DYNC2LI1: variants seen among roughly 807,000 people sequenced by gnomAD.
The protein encoded by DYNC2LI1 is cytoplasmic dynein 2 light intermediate chain 1.
A neutral mutation model predicts 51.9 loss-of-function variants in DYNC2LI1; 45 were observed. The ratio of observed to expected loss-of-function variants is 0.87; its 90% confidence interval spans 0.68 to 1.11. The LOEUF (loss-of-function observed/expected upper bound fraction) is 1.11. DYNC2LI1 is among the 50% of genes most tolerant of loss of function. The pLI is 0.00. For synonymous variants in DYNC2LI1, 130 were observed against 137.8 expected (o/e 0.94, Z 0.40); for missense variants, 490 against 417.4 (o/e 1.17, Z -1.51).
the DYNC2LI1 span, chr2:43,822,901 ACT>A: frequency 6.2e-7 from 1 of 1,613,786 alleles, no homozygotes; most frequent in Admixed American, 1.7e-5. Flanking sequence ...GGCCGTCCTG[ACT>A]CTCCTGGTCG....
At chr2:43,775,329 G>A (rs1040586251) in intron 1 of DYNC2LI1, among the ~76,000 whole-genome samples, 1 of 152,106 alleles carries the variant, frequency 6.6e-6, no homozygotes, top group Non-Finnish European at 1.5e-5. Context: ...GACCTATCAG[G>A]TCTTGCCCAT....
rs532326958 is a variant in DYNC2LI1, at chr2:43,796,197, G to A, written c.576+239G>A. 3.3e-5 allele frequency among the ~76,000 whole-genome samples: 5 copies of A among 152,304 alleles called. No homozygotes were observed. The East Asian group carries it at 7.7e-4, about 24-fold the overall frequency. ...TAGAAAATGAATCTTGCCGGGCACA[G>A]TGGCTTATGCCAGTAGTCCCAGCAC... On this transcript the variant is annotated intron_variant, in intron 7 of 12. Coordinates refer to ENST00000260605, the MANE Select transcript of DYNC2LI1 (RefSeq NM_016008.4).
chr2:43,788,337 T>G (rs1673618666), intron 4 of DYNC2LI1, among the ~76,000 whole-genome samples: 1 of 152,230 alleles, frequency 6.6e-6, no homozygotes, highest in Non-Finnish European at 1.5e-5. Context: ...TAAAACTTAT[T>G]TTATTGACAA....
chr2:43,796,885 G>T, intron 8 of DYNC2LI1, 90 bp downstream of exon 8: 1 of 1,011,202 alleles, frequency 9.9e-7, no homozygotes. Flanking sequence ...AGGAATAAAT[G>T]CTTTTGCTAA....
At chr2:43,813,054 A>G, downstream of DYNC2LI1, 1 of 775,678 alleles carries the variant, frequency 1.3e-6, no homozygotes, top group African/African-American at 1.7e-5. Flanking sequence ...CTCATTTCAG[A>G]CGTTCAGAGC....
At chr2:43,794,296 A>G (rs1673927877) in intron 5 of DYNC2LI1, 161 bp from the exon 6 acceptor site, 4 of 663,324 alleles carry the variant, frequency 6.0e-6, no homozygotes, top group African/African-American at 3.6e-5. Context: ...AAATAAGGCT[A>G]TGACTTTGGT....
chr2:43,805,433 G>A (rs1666215348), intron 12 of DYNC2LI1, 187 bp downstream of exon 12: 1 of 334,722 alleles, frequency 3.0e-6, no homozygotes, highest in African/African-American at 2.1e-5. Context: ...ATAAAAATTT[G>A]ATATGAATAA....
intron 5 of DYNC2LI1, among the ~76,000 whole-genome samples, chr2:43,791,884 G>T (rs1673811533): frequency 1.3e-5 from 2 of 151,868 alleles, no homozygotes; most frequent in Non-Finnish European, 1.5e-5. Flanking sequence ...AAATTTTTTG[G>T]CTATCATTTG....
chr2:43,790,001 G>A (rs185882621), intron 5 of DYNC2LI1, among the ~76,000 whole-genome samples: 7,011 of 152,210 alleles, frequency 0.046, 321 homozygotes, highest in African/African-American at 0.11. Flanking sequence ...TTACACTTGG[G>A]CAGTGAATTC....
chr2:43,822,840 A>AG, the DYNC2LI1 span: 1 of 1,614,206 alleles, frequency 6.2e-7, no homozygotes, highest in Non-Finnish European at 8.5e-7. Context: ...ACAACGCTGA[A>AG]GGGGAGGACG....
chr2:43,826,596 A>G, the DYNC2LI1 span: 3 of 1,603,272 alleles, frequency 1.9e-6, no homozygotes, highest in Admixed American at 1.7e-5. Flanking sequence ...AGAGTTCTGA[A>G]CTGTTCCTTA....
At position 43,783,572 on chromosome 2, in the gene DYNC2LI1, C is replaced by G. The variant is rs1390234288; in HGVS notation, c.161+18C>G. 1.4e-6 allele frequency: 2 copies of G among 1,477,726 alleles called. No individual in the cohort carries two copies. Among genetic ancestry groups the G allele is most frequent in the African/African-American group, 1.5e-5 (1 of 67,964 alleles). The allele number at this position is 1,477,726 out of a possible 1,614,324, so 91.5% of individuals were successfully genotyped here. ...CTTGACAGGTAAGTGTTATGTTAAC[C>G]TTTAAACTATATTTATGCTTATTCT... On this transcript the variant is annotated intron_variant, in intron 3 of 12. Coordinates refer to ENST00000260605, the MANE Select transcript of DYNC2LI1 (RefSeq NM_016008.4).
At chr2:43,810,528 A>C, downstream of DYNC2LI1, 2 of 984,472 alleles carry the variant, frequency 2.0e-6, no homozygotes, top group Non-Finnish European at 2.4e-6. Flanking sequence ...ATTTTGAGTA[A>C]GTATAATTGC....
chr2:43,795,593 A>C (rs899178855), intron 6 of DYNC2LI1, among the ~76,000 whole-genome samples: 3 of 152,188 alleles, frequency 2.0e-5, no homozygotes, highest in African/African-American at 7.2e-5. Context: ...AACAGTCAAC[A>C]TAAAATAGAA....
the DYNC2LI1 span, chr2:43,824,935 G>A: frequency 6.2e-7 from 1 of 1,613,966 alleles, no homozygotes. Context: ...GGTAACCGCA[G>A]TCATTGAAGA....
intron 8 of DYNC2LI1, among the ~76,000 whole-genome samples, chr2:43,797,382 G>T (rs1178326234): frequency 6.6e-6 from 1 of 152,092 alleles, no homozygotes; most frequent in Non-Finnish European, 1.5e-5. Context: ...GGGAGTACAT[G>T]TGAAATGCTT....
At chr2:43,775,853 AATT>A in intron 1 of DYNC2LI1, 1 of 96,126 alleles carries the variant, frequency 1.0e-5, no homozygotes, top group Non-Finnish European at 1.9e-5. Context: ...ACACCTGGCC[AATT>A]TTTTTTTTTT....
At chr2:43,805,389 TTAAA>T (rs1237894358) in intron 12 of DYNC2LI1, 143 bp downstream of exon 12, 9 of 501,926 alleles carry the variant, frequency 1.8e-5, no homozygotes, top group South Asian at 1.6e-4. Context: ...GTACATCTAT[TTAAA>T]TAACACACTA....
intron 3 of DYNC2LI1, among the ~76,000 whole-genome samples, 169 bp downstream of exon 3, chr2:43,783,723 T>A (rs1339375355): frequency 6.6e-6 from 1 of 152,174 alleles, no homozygotes; most frequent in Non-Finnish European, 1.5e-5. Context: ...AATATAAAAC[T>A]AACAATAAGC....
Sources: gnomAD v4.1 joint callset for allele counts (sites outside exome capture counted in the v4.1 genomes callset) on GRCh38, gnomAD v4.1.1 for gene constraint, MANE v1.5 for transcripts, NCBI Gene and HGNC (gene_info 2026-07-23, HGNC 2026-07-21) for gene names.